SLC71A2: variants seen among roughly 807,000 people sequenced by gnomAD.
SLC71A2 encodes the protein hippocampus abundant transcript-like 1.
At chr9:94,376,763 T>C in the SLC71A2 span, among the ~76,000 whole-genome samples, 1 of 73,618 alleles carries the variant, frequency 1.4e-5, no homozygotes, top group African/African-American at 6.0e-5. Flanking sequence ...TCACAATCTA[T>C]AGGTGATCTG....
the SLC71A2 span, chr9:94,446,771 C>A: frequency 2.2e-6 from 2 of 908,354 alleles, no homozygotes; most frequent in Non-Finnish European, 3.6e-6. Flanking sequence ...AGAACATTGG[C>A]AACATTAATG....
At chr9:94,456,185 A>G in the SLC71A2 span, 27 of 1,214,468 alleles carry the variant, frequency 2.2e-5, no homozygotes, top group Non-Finnish European at 3.0e-5. Context: ...CATTCCGAAT[A>G]GTGAGCTCCT....
chr9:94,418,491 G>A, the SLC71A2 span, among the ~76,000 whole-genome samples: 1 of 152,054 alleles, frequency 6.6e-6, no homozygotes, highest in Non-Finnish European at 1.5e-5. Context: ...CACTCAGGCT[G>A]GAGTGCAGTG....
chr9:94,402,114 A>G, the SLC71A2 span, among the ~76,000 whole-genome samples: 1 of 152,150 alleles, frequency 6.6e-6, no homozygotes, highest in South Asian at 2.1e-4. Flanking sequence ...TTTATCAGCA[A>G]GGTCTTTATG....
At chr9:94,388,013 C>T in the SLC71A2 span, among the ~76,000 whole-genome samples, 1 of 152,074 alleles carries the variant, frequency 6.6e-6, no homozygotes, top group Non-Finnish European at 1.5e-5. Flanking sequence ...GTGCATAGAT[C>T]TTTGAAGTAC....
chr9:94,456,509 T>G, the SLC71A2 span, among the ~76,000 whole-genome samples: 1 of 152,250 alleles, frequency 6.6e-6, no homozygotes, highest in African/African-American at 2.4e-5. Flanking sequence ...CCTCTCTGCT[T>G]TGATCTTACA....
At chr9:94,455,870 GAA>G in the SLC71A2 span, among the ~76,000 whole-genome samples, 1 of 151,992 alleles carries the variant, frequency 6.6e-6, no homozygotes, top group African/African-American at 2.4e-5. Flanking sequence ...GAGGTACAAA[GAA>G]AAAATGAAAG....
chr9:94,438,947 T>C, the SLC71A2 span, among the ~76,000 whole-genome samples: 5,479 of 151,854 alleles, frequency 0.036, 124 homozygotes, highest in Middle Eastern at 0.095. Flanking sequence ...TATATCATAA[T>C]AGGCGGGAGT....
the SLC71A2 span, among the ~76,000 whole-genome samples, chr9:94,378,486 G>T: frequency 6.6e-6 from 1 of 151,836 alleles, no homozygotes; most frequent in Non-Finnish European, 1.5e-5. Context: ...AAATTAGCCG[G>T]GTGTGATGGT....
the SLC71A2 span, among the ~76,000 whole-genome samples, chr9:94,390,171 G>C: frequency 4.6e-5 from 7 of 151,960 alleles, no homozygotes; most frequent in East Asian, 1.4e-3. Context: ...CCGAGATCGC[G>C]CCACTGCATT....
At chr9:94,438,661 A>T in the SLC71A2 span, 1 of 755,652 alleles carries the variant, frequency 1.3e-6, no homozygotes, top group Non-Finnish European at 2.2e-6. Context: ...CTCTGGTAAT[A>T]CTGAAAACCA....
chr9:94,458,508 GATTATAGC>G, the SLC71A2 span: 566 of 1,579,254 alleles, frequency 3.6e-4, 1 homozygote, highest in Non-Finnish European at 4.5e-4. Flanking sequence ...AATTATGTAT[GATTATAGC>G]AAAATCTTGT....
the SLC71A2 span, among the ~76,000 whole-genome samples, chr9:94,384,875 C>T: frequency 6.6e-6 from 1 of 151,722 alleles, no homozygotes; most frequent in African/African-American, 2.4e-5. Flanking sequence ...GGGCCCTGCC[C>T]TTAATTAATG....
At chr9:94,454,008 C>A in the SLC71A2 span, 2 of 1,614,140 alleles carry the variant, frequency 1.2e-6, no homozygotes, top group South Asian at 1.1e-5. Flanking sequence ...AGAATACTGT[C>A]CTCCTTGGCT....
chr9:94,411,370 A>AT, the SLC71A2 span, among the ~76,000 whole-genome samples: 1 of 146,460 alleles, frequency 6.8e-6, no homozygotes, highest in Non-Finnish European at 1.5e-5. Flanking sequence ...AAGTGGTGGT[A>AT]TTTTTTTGTT....
At chr9:94,442,321 A>T in the SLC71A2 span, among the ~76,000 whole-genome samples, 1 of 151,376 alleles carries the variant, frequency 6.6e-6, no homozygotes, top group African/African-American at 2.4e-5. Flanking sequence ...ACAATTTTTA[A>T]CTTGTTGACT....
the SLC71A2 span, chr9:94,445,211 T>C: frequency 6.6e-7 from 1 of 1,526,204 alleles, no homozygotes; most frequent in Non-Finnish European, 8.9e-7. Flanking sequence ...ATATTTACTT[T>C]CCTAAATGTC....
chr9:94,445,221 C>A, the SLC71A2 span: 1 of 1,492,386 alleles, frequency 6.7e-7, no homozygotes, highest in Middle Eastern at 1.7e-4. Flanking sequence ...TCCTAAATGT[C>A]TTTCTAAGCC....
the SLC71A2 span, among the ~76,000 whole-genome samples, chr9:94,448,214 T>C: frequency 6.6e-6 from 1 of 152,178 alleles, no homozygotes; most frequent in African/African-American, 2.4e-5. Context: ...CAGTAGGTCA[T>C]AGCTCAACTG....
Sources: allele counts gnomAD v4.1 joint callset (sites outside exome capture counted in the v4.1 genomes callset), GRCh38; gene constraint gnomAD v4.1.1; transcripts MANE v1.5; gene names NCBI Gene and HGNC (gene_info 2026-07-23, HGNC 2026-07-21).